Variants in USP25 observed in about 807,000 individuals in gnomAD.
USP25 encodes ubiquitin specific peptidase 25, also known as ubiquitin carboxyl-terminal hydrolase 25.
USP25 carries 85 observed loss-of-function variants against 158.5 expected under a neutral mutation model. That is an observed-to-expected ratio of 0.54 (90% CI 0.45 to 0.64). The LOEUF (loss-of-function observed/expected upper bound fraction) is 0.64. Among genes scored for constraint, USP25 ranks in the 30% least tolerant of loss-of-function variants. USP25 has a pLI of 0.00. For missense variants in USP25, 1,242 were observed against 1,327.3 expected (o/e 0.94, Z 1.00); for synonymous variants, 464 against 460.4 (o/e 1.01, Z -0.10).
chr21:15,812,985 CT>C (rs1411855473), intron 9 of USP25, among the ~76,000 whole-genome samples: 1 of 152,038 alleles, frequency 6.6e-6, no homozygotes, highest in Non-Finnish European at 1.5e-5. Flanking sequence ...TCACTCCTTC[CT>C]TTTTCATCTA....
intron 1 of USP25, among the ~76,000 whole-genome samples, chr21:15,749,618 A>G (rs2032833630): frequency 6.6e-6 from 1 of 152,260 alleles, no homozygotes; most frequent in Admixed American, 6.5e-5. Flanking sequence ...TAGATAACAT[A>G]CAAAAAGCTT....
At chr21:15,808,224 A>G (rs1446002806) in intron 7 of USP25, among the ~76,000 whole-genome samples, 1 of 152,224 alleles carries the variant, frequency 6.6e-6, no homozygotes, top group Non-Finnish European at 1.5e-5. Context: ...TGATAACACA[A>G]CTGCCACAAC....
At chr21:15,798,497 A>G (rs1350259604) in intron 5 of USP25, among the ~76,000 whole-genome samples, 1 of 151,150 alleles carries the variant, frequency 6.6e-6, no homozygotes, top group Non-Finnish European at 1.5e-5. Context: ...GATCTTGGCC[A>G]ACTGTTAATG....
chr21:15,872,229 G>C (rs183187744), intron 23 of USP25, among the ~76,000 whole-genome samples: 33 of 152,104 alleles, frequency 2.2e-4, no homozygotes, highest in African/African-American at 7.7e-4. Flanking sequence ...ATTTTATAGA[G>C]TGTACCAGGC....
intron 10 of USP25, 64 bp downstream of exon 10, chr21:15,818,910 A>T: frequency 6.6e-7 from 1 of 1,517,342 alleles, no homozygotes; most frequent in Non-Finnish European, 9.0e-7. Context: ...CTATAGCACA[A>T]TGTAAGGTTC....
chr21:15,850,459 T>A (rs535962979), intron 20 of USP25, among the ~76,000 whole-genome samples: 6 of 152,138 alleles, frequency 3.9e-5, no homozygotes, highest in African/African-American at 1.4e-4. Flanking sequence ...AGCTTTACAA[T>A]GTTTTGATTA....
rs181333076 is a variant in USP25 at position 15,772,870 on chromosome 21, A to G, written c.269-5034A>G. Among the ~76,000 whole-genome samples the G allele has an allele frequency of 1.1e-3, 162 of 152,244 alleles. 2 individuals carry two copies. Among genetic ancestry groups the G allele is most frequent in the Non-Finnish European group, 1.6e-4 (11 of 68,004 alleles). ...TATGTGAGGCATCTTTCAGGATTGT[A>G]TGTGTGGACCGTATGTGAGGGATCT... On this transcript the variant is annotated intron_variant, in intron 3 of 25. Transcript: ENST00000400183.
intron 20 of USP25, among the ~76,000 whole-genome samples, chr21:15,852,333 A>G (rs994607574): frequency 6.6e-6 from 1 of 152,004 alleles, no homozygotes; most frequent in South Asian, 2.1e-4. Flanking sequence ...TTATATGTTG[A>G]TATTAGCAGC....
intron 1 of USP25, chr21:15,744,356 TCA>T (rs1251951332): frequency 6.6e-6 from 1 of 152,392 alleles, no homozygotes; most frequent in Non-Finnish European, 1.5e-5. Context: ...GACAAAGGTC[TCA>T]CCGTGTCACC....
In USP25 at chr21:15,826,374, T is replaced by C. The variant is rs777283210; in HGVS notation, c.1466+9T>C. 1.2e-5 allele frequency: 20 copies of C among 1,613,432 alleles called. No homozygotes were observed. In the African/African-American group the frequency reaches 2.5e-4, roughly 20 times the overall value. ...TCACAGACATTACCAAGGTAAAAAGTAATCCTGATGCAAGAGACAGTTGTT... is the reference window on the plus strand; with the variant it reads ...TCACAGACATTACCAAGGTAAAAAGCAATCCTGATGCAAGAGACAGTTGTT... On this transcript the variant is annotated intron_variant, in intron 13 of 25. Coordinates refer to ENST00000400183, the MANE Select transcript of USP25 (RefSeq NM_001283041.3). The surrounding 1 kb of genome is among the most constrained non-coding windows in gnomAD (Gnocchi z 4.8).
At chr21:15,867,340 T>G (rs1486528113) in intron 22 of USP25, among the ~76,000 whole-genome samples, 4 of 152,086 alleles carry the variant, frequency 2.6e-5, no homozygotes, top group Admixed American at 1.3e-4. Context: ...TTAGTGTAAT[T>G]CACTACACAA....
At chr21:15,868,250 G>A (rs956994084) in intron 22 of USP25, among the ~76,000 whole-genome samples, 5 of 152,132 alleles carry the variant, frequency 3.3e-5, no homozygotes, top group African/African-American at 1.2e-4. Flanking sequence ...TCACTGACCA[G>A]ATATTTTTGA....
intron 4 of USP25, among the ~76,000 whole-genome samples, chr21:15,789,064 C>T (rs1050635809): frequency 6.6e-6 from 1 of 152,022 alleles, no homozygotes; most frequent in Admixed American, 6.6e-5. Context: ...TCAGGCTTTA[C>T]TTGCTCCTAG....
intron 1 of USP25, among the ~76,000 whole-genome samples, chr21:15,749,326 C>G (rs1476252174): frequency 6.6e-6 from 1 of 152,114 alleles, no homozygotes; most frequent in African/African-American, 2.4e-5. Context: ...CTAAATATTG[C>G]TTTATTGCTA....
intron 21 of USP25, among the ~76,000 whole-genome samples, chr21:15,865,562 C>G (rs927216031): frequency 6.6e-6 from 1 of 152,198 alleles, no homozygotes; most frequent in African/African-American, 2.4e-5. Context: ...TATTTTGATA[C>G]ATGCGACTGC....
chr21:15,762,951 C>G lies in USP25; in HGVS notation c.106C>G (p.Leu36Val). Residue 36 changes from leucine to valine, a missense_variant, in exon 2 of 26, where the codon CTA becomes GTA. Leu to Val is a conservative substitution (Grantham distance 32). Around this residue, in one of 3 missense-constraint regions of USP25, gnomAD observed 627 missense variants for 701.4 expected, o/e 0.89. Coordinates refer to ENST00000400183, the MANE Select transcript of USP25 (RefSeq NM_001283041.3). The stretch of plus-strand genomic sequence containing the variant: ...TACGGGGATTAATGACACCCAGATA[C>G]TACAGCAAGCCTTGAAGGTATGGCC... ...EITGINDTQILQQALKDSNGN... is the reference protein window; with the variant it reads ...EITGINDTQIVQQALKDSNGN... 1 of 1,612,386 alleles carries G rather than the reference C, an allele frequency of 6.2e-7. No individual in the cohort carries two copies. Among genetic ancestry groups the G allele is most frequent in the Non-Finnish European group, 8.5e-7 (1 of 1,179,046 alleles).
At chr21:15,798,033 G>A (rs1276055941) in intron 5 of USP25, among the ~76,000 whole-genome samples, 1 of 151,214 alleles carries the variant, frequency 6.6e-6, no homozygotes, top group Non-Finnish European at 1.5e-5. Flanking sequence ...CCGGTATTCA[G>A]AGGAGATTTT....
At chr21:15,815,097 G>A (rs2036868496) in intron 9 of USP25, among the ~76,000 whole-genome samples, 1 of 152,194 alleles carries the variant, frequency 6.6e-6, no homozygotes, top group African/African-American at 2.4e-5. Flanking sequence ...AGGGGCCAAG[G>A]TGTAGCTCGG....
At chr21:15,733,668 G>C (rs2031188640) in intron 1 of USP25, among the ~76,000 whole-genome samples, 1 of 152,086 alleles carries the variant, frequency 6.6e-6, no homozygotes, top group Non-Finnish European at 1.5e-5. Flanking sequence ...GTGAAACCCA[G>C]TCTCTACTAC....
Sources: allele counts gnomAD v4.1 joint callset (sites outside exome capture counted in the v4.1 genomes callset), GRCh38; gene constraint gnomAD v4.1.1; regional missense constraint gnomAD v4.1.1; non-coding constraint Gnocchi (gnomAD v3.1); transcripts MANE v1.5; gene names NCBI Gene and HGNC (gene_info 2026-07-23, HGNC 2026-07-21).